NPM1: variants seen among roughly 807,000 people sequenced by gnomAD.
NPM1 encodes nucleophosmin 1, also known as nucleophosmin.
NPM1 carries 1 observed loss-of-function variant against 44.1 expected under a neutral mutation model. That is an observed-to-expected ratio of 0.02 (90% CI 0.01 to 0.11). NPM1 has a LOEUF of 0.11. Ranked by LOEUF, NPM1 falls within the 10% of genes least tolerant of loss-of-function variation. The pLI, the probability that NPM1 is intolerant of heterozygous loss-of-function variation, is 1.00. For missense variants in NPM1, 197 were observed against 347.8 expected (o/e 0.57, Z 3.45); for synonymous variants, 126 against 111.8 (o/e 1.13, Z -0.80).
upstream of NPM1, chr5:171,387,120 G>A (rs1409343360): frequency 6.6e-6 from 1 of 152,278 alleles, no homozygotes; most frequent in Admixed American, 6.6e-5. Flanking sequence ...CTCTTAGGGC[G>A]ATGTCCTTGC....
At chr5:171,396,055 C>G (rs1770866967) in intron 6 of NPM1, among the ~76,000 whole-genome samples, 1 of 151,218 alleles carries the variant, frequency 6.6e-6, no homozygotes, top group African/African-American at 2.4e-5. Flanking sequence ...TCATGGCTCA[C>G]TGTAACTTCT....
intron 6 of NPM1, among the ~76,000 whole-genome samples, chr5:171,393,874 C>A (rs1016540878): frequency 6.6e-6 from 1 of 152,052 alleles, no homozygotes; most frequent in Non-Finnish European, 1.5e-5. Flanking sequence ...GGTTCACACC[C>A]GTAATCCTAA....
intron 6 of NPM1, among the ~76,000 whole-genome samples, 173 bp from the exon 7 acceptor site, chr5:171,399,980 T>C (rs185567876): frequency 2.0e-5 from 3 of 152,368 alleles, no homozygotes; most frequent in African/African-American, 7.2e-5. Context: ...TGTGTGTACA[T>C]ATACATTTTC....
intron 8 of NPM1, among the ~76,000 whole-genome samples, chr5:171,401,126 G>A (rs762080910): frequency 4.6e-5 from 7 of 152,082 alleles, no homozygotes; most frequent in Non-Finnish European, 7.4e-5. Context: ...GGAGGCCAAG[G>A]TGGGTGGGAT....
chr5:171,391,610 G>A (rs1770582116), intron 3 of NPM1, 96 bp from the exon 4 acceptor site: 4 of 1,116,034 alleles, frequency 3.6e-6, no homozygotes, highest in Admixed American at 1.9e-5. Context: ...GGAAAAACAG[G>A]TTCACTGGTT....
Position 171,404,242 on chromosome 5 carries a change from C to A in NPM1, c.670-1060C>A, listed in dbSNP as rs1389353358. ...TGGCCGGGCGGGGGGTTGACCCCCC[C>A]CCACCTCCCTCCCGGACGGGGTGGC... On this transcript the variant is annotated intron_variant, in intron 8 of 10. Coordinates refer to ENST00000296930, the MANE Select transcript of NPM1 (RefSeq NM_002520.7). Among the ~76,000 whole-genome samples the A allele has an allele frequency of 4.4e-4, 48 of 109,008 alleles. 13 individuals carry two copies. The highest frequency in any genetic ancestry group is 1.3e-3 in the African/African-American group (37 of 28,034). The allele number at this position is 109,008 out of a possible 152,430, so 71.5% of individuals were successfully genotyped here. A position where few individuals can be genotyped will look rare whatever the true frequency, so the allele number is the denominator to read the frequency against.
chr5:171,391,228 T>C (rs1770560330), intron 2 of NPM1, 77 bp from the exon 3 acceptor site: 9 of 1,517,972 alleles, frequency 5.9e-6, no homozygotes, highest in East Asian at 2.3e-5. Context: ...GACGCATGGC[T>C]GCATATAACA....
chr5:171,393,083 G>A, intron 6 of NPM1, 105 bp downstream of exon 6: 1 of 1,404,864 alleles, frequency 7.1e-7, no homozygotes, highest in Non-Finnish European at 9.6e-7. Context: ...TTTACAAAAA[G>A]CCATCCTATG....
At chr5:171,409,561 G>A (rs1013690030) in intron 10 of NPM1, among the ~76,000 whole-genome samples, 1 of 152,172 alleles carries the variant, frequency 6.6e-6, no homozygotes, top group Admixed American at 6.6e-5. Context: ...AGATTTCTAT[G>A]ATATTTAATA....
At position 171,410,759 on chromosome 5, in the gene NPM1, C is replaced by T. The variant is rs2113302892; in HGVS notation, c.*194C>T. On this transcript the variant is annotated 3_prime_UTR_variant, in exon 11 of 11. Coordinates refer to ENST00000296930, the MANE Select transcript of NPM1 (RefSeq NM_002520.7). ...TAGTTTTTAAAGATGGAACTCCACC[C>T]TTTGCTTGGTTTTAAGTATGTATGG... 4.1e-6 allele frequency: 2 copies of T among 492,520 alleles called. No homozygotes were observed. The highest frequency in any genetic ancestry group is 6.4e-5 in the East Asian group (2 of 31,312). 30.5% of individuals were successfully genotyped at this position (492,520 alleles called of 1,614,324 possible). A position where few individuals can be genotyped will look rare whatever the true frequency, so the allele number is the denominator to read the frequency against.
chr5:171,393,937 G>T (rs1427271034), intron 6 of NPM1, among the ~76,000 whole-genome samples: 1 of 151,618 alleles, frequency 6.6e-6, no homozygotes, highest in Non-Finnish European at 1.5e-5. Context: ...AAAATAGCAA[G>T]ACCCAATCTC....
intron 7 of NPM1, among the ~76,000 whole-genome samples, chr5:171,400,470 T>G (rs974873249): frequency 6.6e-6 from 1 of 151,450 alleles, no homozygotes; most frequent in Non-Finnish European, 1.5e-5. Flanking sequence ...CTTTTTTTTT[T>G]TTTTTTGAGA....
intron 8 of NPM1, among the ~76,000 whole-genome samples, chr5:171,402,676 C>T (rs1445658847): frequency 7.1e-6 from 1 of 141,440 alleles, no homozygotes. Context: ...GGAAGAGGGG[C>T]CTGGTGGGAG....
intron 4 of NPM1, among the ~76,000 whole-genome samples, chr5:171,392,214 T>G (rs879810446): frequency 2.0e-5 from 3 of 152,200 alleles, no homozygotes; most frequent in Non-Finnish European, 4.4e-5. Flanking sequence ...GTGCTAGTAT[T>G]ACACGTGTCA....
Position 171,401,360 on chromosome 5 carries a change from AAATC to A in NPM1, c.669+437_669+440del, listed in dbSNP as rs531975633. On this transcript the variant is annotated intron_variant, in intron 8 of 10. Transcript: ENST00000296930. The stretch of plus-strand genomic sequence containing the variant: ...AGCGAGACTCCGCCTCCAAAAAAAA[AAATC>A]AGCTTGTTGTGTGTTGTAGGTACAC... Among the ~76,000 whole-genome samples, 22 of 152,238 alleles carry A rather than the reference AAATC, an allele frequency of 1.4e-4. No individual in the cohort carries two copies. In the South Asian group the frequency reaches 3.9e-3, roughly 27 times the overall value.
upstream of NPM1, chr5:171,387,534 G>GTATCATTAAAAA: frequency 4.7e-5 from 10 of 213,348 alleles, no homozygotes; most frequent in South Asian, 3.5e-4. Context: ...GCGGGAGGCC[G>GTATCATTAAAAA]GCGCGCTTGA....
intron 6 of NPM1, among the ~76,000 whole-genome samples, chr5:171,394,767 G>T (rs1373707372): frequency 6.6e-6 from 1 of 152,202 alleles, no homozygotes; most frequent in Non-Finnish European, 1.5e-5. Context: ...TAAAATAAGT[G>T]TTTAATAGCA....
chr5:171,409,352 C>G (rs1771712735), intron 10 of NPM1, among the ~76,000 whole-genome samples: 1 of 152,052 alleles, frequency 6.6e-6, no homozygotes, highest in Admixed American at 6.6e-5. Flanking sequence ...ATAATCCCAG[C>G]ACTTTGGGAG....
chr5:171,391,947 A>C, intron 4 of NPM1, 148 bp downstream of exon 4: 26 of 373,318 alleles, frequency 7.0e-5, no homozygotes, highest in East Asian at 2.1e-4. Context: ...GGACAAATAA[A>C]TTTTTGGGGC....
Sources: gnomAD v4.1 joint callset for allele counts (sites outside exome capture counted in the v4.1 genomes callset) on GRCh38, gnomAD v4.1.1 for gene constraint, MANE v1.5 for transcripts, NCBI Gene and HGNC (gene_info 2026-07-23, HGNC 2026-07-21) for gene names.